The following NKAIN2 variants were observed in gnomAD, a reference collection of about 807,000 sequenced individuals.
The protein encoded by NKAIN2 is sodium/potassium-transporting ATPase subunit beta-1-interacting protein 2.
In NKAIN2, 14 loss-of-function variants were observed where a neutral mutation model predicts 32.6. That is an observed-to-expected ratio of 0.43 (90% CI 0.28 to 0.67). The LOEUF (loss-of-function observed/expected upper bound fraction) is 0.67, where lower values mean the gene tolerates loss of function less well. Among genes scored for constraint, NKAIN2 ranks in the 30% least tolerant of loss-of-function variants. The pLI is 0.17. For synonymous variants in NKAIN2, 80 were observed against 87.2 expected (o/e 0.92, Z 0.46); for missense variants, 198 against 258.3 (o/e 0.77, Z 1.60).
intron 2 of NKAIN2, among the ~76,000 whole-genome samples, chr6:124,290,931 C>G (rs547959704): frequency 6.6e-6 from 1 of 151,990 alleles, no homozygotes; most frequent in Non-Finnish European, 1.5e-5. Context: ...CATTTTACTC[C>G]GATGTCAACT....
chr6:124,154,795 C>T (rs1466371369), intron 1 of NKAIN2, among the ~76,000 whole-genome samples: 1 of 151,852 alleles, frequency 6.6e-6, no homozygotes, highest in Admixed American at 6.6e-5. Flanking sequence ...GAAAACCTGA[C>T]AGTAATAATA....
chr6:123,967,583 C>T (rs1778143008), intron 1 of NKAIN2, among the ~76,000 whole-genome samples: 1 of 152,124 alleles, frequency 6.6e-6, no homozygotes, highest in African/African-American at 2.4e-5. Context: ...AGAATCTTCC[C>T]TGTGGTTTTC....
At chr6:124,604,998 G>A (rs768032215) in intron 3 of NKAIN2, among the ~76,000 whole-genome samples, 2 of 151,924 alleles carry the variant, frequency 1.3e-5, no homozygotes, top group Non-Finnish European at 2.9e-5. Flanking sequence ...AGAAAAACCC[G>A]GGCTTCCTCT....
intron 4 of NKAIN2, among the ~76,000 whole-genome samples, chr6:124,721,187 C>A (rs1012788175): frequency 6.6e-6 from 1 of 151,930 alleles, no homozygotes; most frequent in Non-Finnish European, 1.5e-5. Context: ...GAGGCCGAGG[C>A]GGGAGGATCA....
intron 1 of NKAIN2, among the ~76,000 whole-genome samples, chr6:123,946,119 A>G (rs1455025590): frequency 6.6e-6 from 1 of 152,168 alleles, no homozygotes; most frequent in African/African-American, 2.4e-5. Context: ...GAGGGTTATC[A>G]GCTGCACAAC....
intron 1 of NKAIN2, among the ~76,000 whole-genome samples, chr6:124,064,075 C>G (rs562173199): frequency 2.6e-4 from 39 of 151,964 alleles, no homozygotes; most frequent in Admixed American, 7.2e-4. Context: ...CTCAGCCTCC[C>G]GAGTAGCTGG....
At chr6:123,806,853 A>C (rs573268564) in intron 1 of NKAIN2, among the ~76,000 whole-genome samples, 1 of 152,170 alleles carries the variant, frequency 6.6e-6, no homozygotes, top group South Asian at 2.1e-4. Flanking sequence ...GGAAACATTA[A>C]TCTCCAGTCC....
chr6:124,296,497 G>A (rs1225230520), intron 2 of NKAIN2, among the ~76,000 whole-genome samples: 2 of 152,048 alleles, frequency 1.3e-5, no homozygotes, highest in Non-Finnish European at 2.9e-5. Context: ...GAATGTTTAT[G>A]AGTTCAGATA....
chr6:124,403,079 G>C (rs1438453508), intron 3 of NKAIN2, among the ~76,000 whole-genome samples: 1 of 152,102 alleles, frequency 6.6e-6, no homozygotes, highest in Non-Finnish European at 1.5e-5. Flanking sequence ...GAATTACGTT[G>C]ATTCATTTGT....
chr6:124,766,727 C>T (rs1232611441), intron 4 of NKAIN2, among the ~76,000 whole-genome samples: 2 of 152,102 alleles, frequency 1.3e-5, no homozygotes, highest in African/African-American at 4.8e-5. Flanking sequence ...TGAGTATATG[C>T]TTTTCCTAAA....
At chr6:123,857,757 G>A (rs1279161317) in intron 1 of NKAIN2, among the ~76,000 whole-genome samples, 2 of 151,792 alleles carry the variant, frequency 1.3e-5, no homozygotes, top group African/African-American at 4.8e-5. Flanking sequence ...ACATATTGAA[G>A]CAGAACACTA....
At chr6:124,313,328 A>G (rs1796801865) in intron 2 of NKAIN2, among the ~76,000 whole-genome samples, 1 of 152,132 alleles carries the variant, frequency 6.6e-6, no homozygotes, top group African/African-American at 2.4e-5. Flanking sequence ...TTTTTATTCC[A>G]ATCATTGCCT....
chr6:124,758,602 C>T (rs1278613773), intron 4 of NKAIN2, among the ~76,000 whole-genome samples: 1 of 152,194 alleles, frequency 6.6e-6, no homozygotes, highest in East Asian at 1.9e-4. Context: ...GGTTAGGCCG[C>T]AGTTCCCACC....
At chr6:123,822,480 C>T (rs1773967212) in intron 1 of NKAIN2, among the ~76,000 whole-genome samples, 1 of 152,052 alleles carries the variant, frequency 6.6e-6, no homozygotes, top group Non-Finnish European at 1.5e-5. Flanking sequence ...ATGTGGTTAG[C>T]AATATTAGAA....
chr6:124,426,498 T>A (rs1289011468), intron 3 of NKAIN2, among the ~76,000 whole-genome samples: 1 of 151,814 alleles, frequency 6.6e-6, no homozygotes, highest in African/African-American at 2.4e-5. Context: ...AAAGAAAAAA[T>A]AAAACAGAGA....
intron 4 of NKAIN2, among the ~76,000 whole-genome samples, chr6:124,683,425 C>T (rs1295799136): frequency 6.6e-6 from 1 of 152,120 alleles, no homozygotes. Flanking sequence ...TCTCTGCTGC[C>T]CACATGTCAA....
intron 4 of NKAIN2, among the ~76,000 whole-genome samples, chr6:124,669,434 T>C (rs1285911625): frequency 6.6e-6 from 1 of 151,880 alleles, no homozygotes; most frequent in Non-Finnish European, 1.5e-5. Flanking sequence ...ATGAATAAAA[T>C]AGGATAAGGT....
At chr6:124,646,654 C>T (rs1784180285) in intron 3 of NKAIN2, among the ~76,000 whole-genome samples, 1 of 152,050 alleles carries the variant, frequency 6.6e-6, no homozygotes, top group Non-Finnish European at 1.5e-5. Flanking sequence ...GTATTTCCTA[C>T]ATAAAGGAAC....
chr6:124,626,934 G>A (rs483551), intron 3 of NKAIN2, among the ~76,000 whole-genome samples: 1 of 151,974 alleles, frequency 6.6e-6, no homozygotes, highest in Non-Finnish European at 1.5e-5. Context: ...TTAGAAAAGT[G>A]TAACCACTGC....
Sources: gnomAD v4.1 joint callset for allele counts (sites outside exome capture counted in the v4.1 genomes callset) on GRCh38, gnomAD v4.1.1 for gene constraint, MANE v1.5 for transcripts, NCBI Gene and HGNC (gene_info 2026-07-23, HGNC 2026-07-21) for gene names.